The following TMCC2 variants were observed in gnomAD, a reference collection of about 807,000 sequenced individuals.
TMCC2 encodes the protein transmembrane and coiled-coil domain family 2, also known as transmembrane and coiled-coil domains protein 2.
Under a neutral mutation model 49.4 loss-of-function variants are expected in TMCC2, and 16 were observed. The ratio of observed to expected loss-of-function variants is 0.32; its 90% CI spans 0.22 to 0.49. The LOEUF is 0.49. Among genes scored for constraint, TMCC2 ranks in the 20% least tolerant of loss-of-function variants. The pLI, the probability that TMCC2 is intolerant of heterozygous loss-of-function variation, is 0.99. For synonymous variants in TMCC2, 397 were observed against 434.1 expected (o/e 0.91, Z 1.06); for missense variants, 762 against 989.8 (o/e 0.77, Z 3.09).
In TMCC2 at chr1:205,271,798, C is replaced by A. The variant is rs754252147; in HGVS notation, c.1819-15C>A. 6.2e-7 allele frequency: 1 copy of A among 1,604,988 alleles called. No homozygotes were observed. ...CATCCTGAGCGCACACATGCCAGCC[C>A]CTCTGCCCCTGCAGGAGGCCGTGGA... On this transcript the variant is annotated splice_polypyrimidine_tract_variant and intron_variant, in intron 4 of 4. Coordinates refer to ENST00000358024, the MANE Select transcript of TMCC2 (RefSeq NM_014858.4).
At chr1:205,258,717 T>C (rs756947587) in intron 2 of TMCC2, among the ~76,000 whole-genome samples, 2 of 152,214 alleles carry the variant, frequency 1.3e-5, no homozygotes, top group African/African-American at 2.4e-5. Flanking sequence ...TCCACCCTGC[T>C]CTTGCTGGAA....
Position 205,241,736 on chromosome 1 carries a change from G to A in TMCC2, c.439G>A (p.Ala147Thr), listed in dbSNP as rs1241187031. The A allele has an allele frequency of 2.5e-6, 4 of 1,613,050 alleles. No individual in the cohort carries two copies. Among genetic ancestry groups the A allele is most frequent in the South Asian group, 1.1e-5 (1 of 91,078 alleles). Residue 147 changes from alanine (A) to threonine (T), a missense_variant, in exon 2 of 5, where the codon GCC (alanine) becomes ACC (threonine). Physicochemically the swap from Ala to Thr is moderately conservative, Grantham distance 58 (BLOSUM62 0). Transcript: ENST00000358024. This position sits in a 1 kb window ranked among gnomAD's most constrained non-coding sequence, Gnocchi z 7.3. ...SLHDLPARPT[A>T]FNRVLQQIRS... Reference sequence around the variant, plus strand: ...GCACGACCTGCCCGCCCGGCCCACCGCCTTCAACCGCGTGCTGCAGCAGAT... The same window carrying A: ...GCACGACCTGCCCGCCCGGCCCACCACCTTCAACCGCGTGCTGCAGCAGAT...
chr1:205,260,562 A>C (rs1248816339), intron 2 of TMCC2, among the ~76,000 whole-genome samples: 2 of 152,202 alleles, frequency 1.3e-5, no homozygotes, highest in Non-Finnish European at 2.9e-5. Context: ...GGCCCAGGCC[A>C]GTGGAGGACC....
intron 2 of TMCC2, among the ~76,000 whole-genome samples, chr1:205,258,499 T>C (rs61823995): frequency 0.22 from 33,406 of 151,978 alleles, 4,030 homozygotes; most frequent in East Asian, 0.42. Context: ...AGGTAGGCTC[T>C]TTCTCCACCC....
At chr1:205,253,171 A>G (rs571229628) in intron 2 of TMCC2, among the ~76,000 whole-genome samples, 2 of 152,202 alleles carry the variant, frequency 1.3e-5, no homozygotes, top group Non-Finnish European at 2.9e-5. Flanking sequence ...TGATTTTAAA[A>G]GGGCAGTGGG....
chr1:205,229,119 T>C (rs1659677577), intron 1 of TMCC2: 6 of 1,144,176 alleles, frequency 5.2e-6, no homozygotes, highest in African/African-American at 3.2e-5. Flanking sequence ...CCATTAGTTT[T>C]CCTTGCTGAG....
chr1:205,241,727 C>A lies in TMCC2; in HGVS notation c.430C>A (p.Arg144=), dbSNP rs200429926. 1.9e-6 allele frequency: 3 copies of A among 1,613,346 alleles called. No homozygotes were observed. In the African/African-American group the frequency reaches 4.0e-5, roughly 21 times the overall value. Residue 144 remains arginine, a synonymous_variant, in exon 2 of 5, where the codon CGG becomes AGG. Coordinates refer to ENST00000358024, the MANE Select transcript of TMCC2 (RefSeq NM_014858.4). The surrounding 1 kb of genome is among the most constrained non-coding windows in gnomAD (Gnocchi z 7.3). ...YAMSLHDLPA[R]PTAFNRVLQQ... The stretch of plus-strand genomic sequence containing the variant: ...CATGTCCCTGCACGACCTGCCCGCC[C>A]GGCCCACCGCCTTCAACCGCGTGCT...
At chr1:205,230,535 G>T (rs942826544) in intron 1 of TMCC2, among the ~76,000 whole-genome samples, 2 of 152,158 alleles carry the variant, frequency 1.3e-5, no homozygotes, top group African/African-American at 4.8e-5. Context: ...TGGGGAGGAG[G>T]CTAGCCTTCT....
At chr1:205,257,506 A>C (rs1660926308) in intron 2 of TMCC2, 1 of 964,254 alleles carries the variant, frequency 1.0e-6, no homozygotes, top group African/African-American at 1.7e-5. Context: ...CCAGGTATAG[A>C]GAACTGTTTG....
intron 2 of TMCC2, chr1:205,256,408 G>A: frequency 6.4e-7 from 1 of 1,551,032 alleles, no homozygotes; most frequent in Non-Finnish European, 8.7e-7. Flanking sequence ...CAAGGAGGAA[G>A]AGACTGCTGT....
intron 1 of TMCC2, among the ~76,000 whole-genome samples, chr1:205,233,522 G>A (rs1430500633): frequency 6.6e-6 from 1 of 152,118 alleles, no homozygotes; most frequent in African/African-American, 2.4e-5. Flanking sequence ...CTTTCCTGGT[G>A]GTCACAGGCA....
intron 2 of TMCC2, among the ~76,000 whole-genome samples, chr1:205,267,097 G>C (rs1462995955): frequency 6.6e-6 from 1 of 152,140 alleles, no homozygotes; most frequent in African/African-American, 2.4e-5. Context: ...GGAGGTCAAG[G>C]GGGGATGAGG....
chr1:205,268,830 GTCT>G, intron 2 of TMCC2, 117 bp from the exon 3 acceptor site: 1 of 934,482 alleles, frequency 1.1e-6, no homozygotes, highest in Non-Finnish European at 1.6e-6. Context: ...TGTGGTGGTT[GTCT>G]TCTTTTGGAC....
At chr1:205,240,481 G>C (rs1247258187) in intron 1 of TMCC2, among the ~76,000 whole-genome samples, 1 of 152,220 alleles carries the variant, frequency 6.6e-6, no homozygotes, top group Non-Finnish European at 1.5e-5. Flanking sequence ...TATGTCACAA[G>C]GTTTGCTCAT....
At chr1:205,259,506 A>G (rs1014790745) in intron 2 of TMCC2, among the ~76,000 whole-genome samples, 2 of 152,108 alleles carry the variant, frequency 1.3e-5, no homozygotes, top group East Asian at 1.9e-4. Context: ...TTCCCAATTT[A>G]CATAGCTAGT....
intron 2 of TMCC2, among the ~76,000 whole-genome samples, chr1:205,252,970 AT>A (rs200340937): frequency 0.026 from 3,912 of 151,298 alleles, 75 homozygotes; most frequent in Middle Eastern, 0.037. Context: ...AAAAAAAAAA[AT>A]AATAATAATA....
chr1:205,265,562 TC>T (rs1360237661), intron 2 of TMCC2, among the ~76,000 whole-genome samples: 1 of 151,168 alleles, frequency 6.6e-6, no homozygotes, highest in Non-Finnish European at 1.5e-5. Flanking sequence ...CATTTTCTTT[TC>T]TTTTTTTTTT....
At chr1:205,254,277 C>CT (rs1491247813) in intron 2 of TMCC2, among the ~76,000 whole-genome samples, 1 of 152,242 alleles carries the variant, frequency 6.6e-6, no homozygotes, top group Non-Finnish European at 1.5e-5. Flanking sequence ...CCTTAACCCC[C>CT]TGTCTTTACG....
At chr1:205,266,114 G>C (rs1354230453) in intron 2 of TMCC2, among the ~76,000 whole-genome samples, 1 of 151,160 alleles carries the variant, frequency 6.6e-6, no homozygotes, top group African/African-American at 2.4e-5. Context: ...GGTGGCAGGC[G>C]CCTGTAGTCC....
Sources: allele counts gnomAD v4.1 joint callset (sites outside exome capture counted in the v4.1 genomes callset), GRCh38; gene constraint gnomAD v4.1.1; non-coding constraint Gnocchi (gnomAD v3.1); transcripts MANE v1.5; gene names NCBI Gene and HGNC (gene_info 2026-07-23, HGNC 2026-07-21).